The following LRFN5 variants were observed in gnomAD, a reference collection of about 807,000 sequenced individuals.
LRFN5 encodes the protein leucine rich repeat and fibronectin type III domain containing 5, also known as leucine-rich repeat and fibronectin type-III domain-containing protein 5.
A neutral mutation model predicts 45.6 loss-of-function variants in LRFN5; 24 were observed. The observed-to-expected ratio is 0.53, with a 90% CI of 0.38 to 0.74. The LOEUF (loss-of-function observed/expected upper bound fraction) is 0.74, where lower values mean the gene tolerates loss of function less well. Among genes scored for constraint, LRFN5 ranks in the 30% least tolerant of loss-of-function variants. LRFN5 has a pLI of 0.00. For synonymous variants in LRFN5, 340 were observed against 313.8 expected (o/e 1.08, Z -0.88); for missense variants, 776 against 861.5 (o/e 0.90, Z 1.24).
At chr14:41,663,721 A>T (rs1490937096) in intron 1 of LRFN5, among the ~76,000 whole-genome samples, 1 of 151,984 alleles carries the variant, frequency 6.6e-6, no homozygotes, top group East Asian at 1.9e-4. Flanking sequence ...ATGATTTGGC[A>T]GTGATTTATT....
intron 1 of LRFN5, among the ~76,000 whole-genome samples, chr14:41,642,713 A>G (rs1314046917): frequency 6.6e-6 from 1 of 152,192 alleles, no homozygotes; most frequent in African/African-American, 2.4e-5. Context: ...CAGAAAGGCA[A>G]TACATCTCAT....
intron 1 of LRFN5, among the ~76,000 whole-genome samples, chr14:41,715,106 A>C (rs1356102083): frequency 6.6e-6 from 1 of 152,174 alleles, no homozygotes; most frequent in Non-Finnish European, 1.5e-5. Flanking sequence ...AATTAAAGGA[A>C]TTTGTATATT....
intron 2 of LRFN5, among the ~76,000 whole-genome samples, chr14:41,832,514 C>T (rs1888520264): frequency 6.6e-6 from 1 of 152,126 alleles, no homozygotes; most frequent in Admixed American, 6.5e-5. Context: ...ATACTAGCAG[C>T]ACTATCAGAT....
chr14:41,859,504 C>T (rs1889588011), intron 2 of LRFN5, among the ~76,000 whole-genome samples: 1 of 152,210 alleles, frequency 6.6e-6, no homozygotes, highest in South Asian at 2.1e-4. Context: ...AGTGACTAAA[C>T]TCTTTCTTGC....
intron 1 of LRFN5, among the ~76,000 whole-genome samples, chr14:41,750,747 T>C (rs73315073): frequency 0.011 from 1,613 of 152,230 alleles, 35 homozygotes; most frequent in African/African-American, 0.037. Flanking sequence ...CTTAAAATCC[T>C]GGAGTAAGGC....
chr14:41,862,462 G>A (rs1889698416), intron 2 of LRFN5, among the ~76,000 whole-genome samples: 1 of 151,942 alleles, frequency 6.6e-6, no homozygotes, highest in Non-Finnish European at 1.5e-5. Context: ...AACATTTATG[G>A]ACATTTGAAT....
chr14:41,673,792 C>CG (rs1209599535), intron 1 of LRFN5, among the ~76,000 whole-genome samples: 15 of 141,376 alleles, frequency 1.1e-4, no homozygotes, highest in African/African-American at 3.7e-4. Flanking sequence ...GCTGGCCGGG[C>CG]GGGGGGTGAC....
chr14:41,611,551 C>G (rs1887756866), intron 1 of LRFN5, among the ~76,000 whole-genome samples: 5 of 152,150 alleles, frequency 3.3e-5, no homozygotes, highest in Admixed American at 3.3e-4. Context: ...AATAAGATAT[C>G]TATAAGAACA....
intron 2 of LRFN5, among the ~76,000 whole-genome samples, chr14:41,820,424 G>GAT (rs1383251028): frequency 2.0e-5 from 3 of 151,884 alleles, no homozygotes; most frequent in Non-Finnish European, 4.4e-5. Context: ...GTTAGTTGTA[G>GAT]ATATTGGCTT....
In LRFN5 at chr14:41,793,937, C is replaced by T. The variant is rs921801952; in HGVS notation, c.-21+26908C>T. Among the ~76,000 whole-genome samples, 9 of 152,154 alleles carry T rather than the reference C, an allele frequency of 5.9e-5. No individual in the cohort carries two copies. In the South Asian group the frequency reaches 6.2e-4, roughly 11 times the overall value. ...CATCTTTGAAAATCTACTCTCCTGT[C>T]GTTATATTCCTTTGCCACATGCAGA... is the stretch of plus-strand genomic sequence containing the variant. On this transcript the variant is annotated intron_variant, in intron 2 of 5. Transcript: ENST00000298119.
chr14:41,898,008 C>A (rs915919878), intron 4 of LRFN5, among the ~76,000 whole-genome samples: 6 of 152,002 alleles, frequency 3.9e-5, no homozygotes, highest in African/African-American at 7.2e-5. Flanking sequence ...TACCATAATA[C>A]AATTTTGTAT....
At chr14:41,663,988 A>G (rs1880778673) in intron 1 of LRFN5, among the ~76,000 whole-genome samples, 1 of 151,922 alleles carries the variant, frequency 6.6e-6, no homozygotes, top group Non-Finnish European at 1.5e-5. Flanking sequence ...ATGAATTGCA[A>G]TGTTTTCTGT....
intron 1 of LRFN5, among the ~76,000 whole-genome samples, chr14:41,646,543 G>A (rs1879826967): frequency 6.6e-6 from 1 of 152,082 alleles, no homozygotes; most frequent in Admixed American, 6.6e-5. Context: ...ACTTATCCTT[G>A]TAGTTAACTC....
intron 1 of LRFN5, among the ~76,000 whole-genome samples, chr14:41,649,240 C>T (rs1201468344): frequency 6.6e-6 from 1 of 150,834 alleles, no homozygotes; most frequent in East Asian, 2.0e-4. Context: ...GTCTCCCCAC[C>T]ACCCCCACCC....
At chr14:41,647,197 T>C (rs1879858958) in intron 1 of LRFN5, among the ~76,000 whole-genome samples, 1 of 152,152 alleles carries the variant, frequency 6.6e-6, no homozygotes, top group South Asian at 2.1e-4. Flanking sequence ...CATACATAGA[T>C]TTTGATTCTG....
At chr14:41,786,822 GTGT>G (rs1376921405) in intron 2 of LRFN5, among the ~76,000 whole-genome samples, 4 of 151,742 alleles carry the variant, frequency 2.6e-5, no homozygotes, top group African/African-American at 9.7e-5. Flanking sequence ...TCATTTCATT[GTGT>G]TGTTGTTATT....
intron 2 of LRFN5, among the ~76,000 whole-genome samples, chr14:41,866,426 A>G (rs935899828): frequency 6.6e-6 from 1 of 152,142 alleles, no homozygotes; most frequent in African/African-American, 2.4e-5. Context: ...CACTGCCACT[A>G]TTAAATCCTC....
intron 2 of LRFN5, among the ~76,000 whole-genome samples, chr14:41,842,447 G>T (rs1301226368): frequency 1.3e-5 from 2 of 151,974 alleles, no homozygotes; most frequent in African/African-American, 4.8e-5. Context: ...AAAATGTTCT[G>T]TTAAAACATG....
intron 1 of LRFN5, among the ~76,000 whole-genome samples, chr14:41,703,129 T>C (rs1210143222): frequency 6.6e-6 from 1 of 152,182 alleles, no homozygotes; most frequent in Non-Finnish European, 1.5e-5. Flanking sequence ...AATGTCTGTA[T>C]TTATCTACAA....
Sources: gnomAD v4.1 joint callset for allele counts (sites outside exome capture counted in the v4.1 genomes callset) on GRCh38, gnomAD v4.1.1 for gene constraint, MANE v1.5 for transcripts, NCBI Gene and HGNC (gene_info 2026-07-23, HGNC 2026-07-21) for gene names.